Variants in CPS1 observed in about 807,000 individuals in gnomAD.
CPS1 encodes carbamoyl-phosphate synthase 1.
CPS1 carries 109 observed loss-of-function variants against 174.6 expected under a neutral mutation model. The ratio of observed to expected loss-of-function variants is 0.62; its 90% CI spans 0.53 to 0.73. The LOEUF is 0.73. Ranked by LOEUF, CPS1 falls within the 30% of genes least tolerant of loss-of-function variation. The pLI is 0.00. For missense variants in CPS1, 1,689 were observed against 1,821.9 expected, an observed-to-expected ratio of 0.93 and a Z score of 1.33; for synonymous variants, 637 against 632.0, an observed-to-expected ratio of 1.01 and a Z score of -0.12.
At chr2:210,528,051 T>A (rs1043244494) in intron 1 of CPS1, among the ~76,000 whole-genome samples, 3 of 151,940 alleles carry the variant, frequency 2.0e-5, no homozygotes, top group African/African-American at 7.2e-5. Context: ...GGGATATTGT[T>A]AATTTAAAAT....
chr2:210,608,656 A>G (rs1022306361), intron 19 of CPS1, 97 bp downstream of exon 19: 27 of 1,152,388 alleles, frequency 2.3e-5, no homozygotes, highest in Non-Finnish European at 3.3e-5. Flanking sequence ...GGATACCATC[A>G]ACACATGGAC....
intron 1 of CPS1, among the ~76,000 whole-genome samples, chr2:210,486,678 T>A (rs1415697558): frequency 6.6e-6 from 1 of 152,162 alleles, no homozygotes. Context: ...ATGCAGCTAA[T>A]TTTGTATTTC....
upstream of CPS1, chr2:210,555,781 T>C (rs1303906219): frequency 2.4e-6 from 1 of 409,180 alleles, no homozygotes; most frequent in Non-Finnish European, 5.0e-6. Flanking sequence ...TGAGGCCCCT[T>C]GAGAGCCTGG....
intron 1 of CPS1, among the ~76,000 whole-genome samples, chr2:210,534,236 C>T (rs538342207): frequency 2.8e-4 from 42 of 152,282 alleles, no homozygotes; most frequent in Admixed American, 5.9e-4. Flanking sequence ...GTTGCTTAGG[C>T]GTCCAGCCAG....
chr2:210,610,244 A>G (rs898079430), intron 19 of CPS1, among the ~76,000 whole-genome samples: 1 of 151,948 alleles, frequency 6.6e-6, no homozygotes, highest in Non-Finnish European at 1.5e-5. Flanking sequence ...AAGGAACTTG[A>G]GAAAATTATG....
chr2:210,513,507 A>G (rs1367931982), intron 1 of CPS1, among the ~76,000 whole-genome samples: 2 of 151,860 alleles, frequency 1.3e-5, no homozygotes, highest in Non-Finnish European at 2.9e-5. Flanking sequence ...ATGTCTGTCC[A>G]TGTCTGTTGC....
In CPS1 at chr2:210,590,358, C is replaced by A. The variant is rs1698252970; in HGVS notation, c.840+124C>A. 3 of 1,378,862 alleles carry A rather than the reference C, an allele frequency of 2.2e-6. No individual in the cohort carries two copies. The South Asian group carries it at 3.5e-5, about 16-fold the overall frequency. The allele number at this position is 1,378,862 out of a possible 1,614,324, so 85.4% of individuals were successfully genotyped here. On this transcript the variant is annotated intron_variant, in intron 8 of 37. Transcript: ENST00000233072. ...TTTTCAATGCTGGTATTTGTGACTT[C>A]TGAGGCAGTGTCAGTAGAGATATTC...
At chr2:210,605,696 G>C (rs1411004416) in intron 17 of CPS1, among the ~76,000 whole-genome samples, 3 of 151,842 alleles carry the variant, frequency 2.0e-5, no homozygotes, top group African/African-American at 4.8e-5. Context: ...CTAAATTTGG[G>C]GTGTGAGCAG....
intron 21 of CPS1, among the ~76,000 whole-genome samples, chr2:210,632,787 A>G (rs1429933812): frequency 6.6e-6 from 1 of 152,256 alleles, no homozygotes; most frequent in African/African-American, 2.4e-5. Context: ...ACAAAATACT[A>G]TAGAAATTAC....
At chr2:210,584,936 T>G (rs1342872101) in intron 6 of CPS1, among the ~76,000 whole-genome samples, 3 of 152,040 alleles carry the variant, frequency 2.0e-5, no homozygotes, top group Non-Finnish European at 4.4e-5. Context: ...TACGTAGAAA[T>G]CTTTTCCCAT....
intron 1 of CPS1, among the ~76,000 whole-genome samples, chr2:210,564,710 G>C (rs868020098): frequency 5.3e-5 from 8 of 152,076 alleles, no homozygotes; most frequent in African/African-American, 9.6e-5. Flanking sequence ...ATAGGAATGG[G>C]GGCCGGACTT....
chr2:210,517,568 AAAG>A (rs1352285304), intron 1 of CPS1, among the ~76,000 whole-genome samples: 1 of 151,982 alleles, frequency 6.6e-6, no homozygotes, highest in Non-Finnish European at 1.5e-5. Context: ...TGACTGCCTG[AAAG>A]GACCATAAAT....
At chr2:210,511,563 G>A (rs1177059156) in intron 1 of CPS1, among the ~76,000 whole-genome samples, 1 of 151,908 alleles carries the variant, frequency 6.6e-6, no homozygotes, top group African/African-American at 2.4e-5. Context: ...CAGAATCACA[G>A]GGCAAATGTC....
chr2:210,634,125 A>G (rs1699955195), intron 21 of CPS1, among the ~76,000 whole-genome samples: 1 of 152,166 alleles, frequency 6.6e-6, no homozygotes, highest in East Asian at 1.9e-4. Flanking sequence ...AAAACAAATA[A>G]CAACAATAAC....
Position 210,638,668 on chromosome 2 carries a change from C to G in CPS1, c.2830-482C>G, listed in dbSNP as rs1700112835. ...AGTGGAATTGATTTCCAAATATGTT[C>G]AATGAGATCTTGTTCTCCCCCCGTT... is the stretch of plus-strand genomic sequence containing the variant. On this transcript the variant is annotated intron_variant, in intron 22 of 37. Transcript: ENST00000233072. Among the ~76,000 whole-genome samples, 3 of 152,136 alleles carry G rather than the reference C, an allele frequency of 2.0e-5. No homozygotes were observed. The South Asian group carries it at 6.2e-4, about 32-fold the overall frequency.
At chr2:210,600,178 G>A (rs1282165340) in intron 14 of CPS1, among the ~76,000 whole-genome samples, 1 of 151,596 alleles carries the variant, frequency 6.6e-6, no homozygotes, top group Non-Finnish European at 1.5e-5. Context: ...CCATTTTGAG[G>A]ATAATTTTTT....
chr2:210,643,957 A>C (rs1258707730), intron 25 of CPS1, among the ~76,000 whole-genome samples: 1 of 152,146 alleles, frequency 6.6e-6, no homozygotes, highest in Non-Finnish European at 1.5e-5. Flanking sequence ...CTTATCTTCA[A>C]GACATTAACA....
rs371305745 is a variant in CPS1 at position 210,491,710 on chromosome 2, C to G, written c.3+13944C>G. 1.9e-4 allele frequency among the ~76,000 whole-genome samples: 29 copies of G among 152,208 alleles called. No individual in the cohort carries two copies. In the East Asian group the frequency reaches 5.0e-3, roughly 26 times the overall value. On this transcript the variant is annotated intron_variant, in intron 1 of 38. Coordinates refer to the CPS1 transcript ENST00000430249. The stretch of plus-strand genomic sequence containing the variant: ...GGCACCAAGTTTCTACCTCTTGGCC[C>G]CTAAGAAATGTGGGATCACCTTGAA...
At chr2:210,631,006 C>T (rs1406632697) in intron 21 of CPS1, among the ~76,000 whole-genome samples, 1 of 145,718 alleles carries the variant, frequency 6.9e-6, no homozygotes, top group Non-Finnish European at 1.5e-5. Flanking sequence ...TAGTTTTTTT[C>T]TGCCTTTTGG....
Sources: gnomAD v4.1 joint callset for allele counts (sites outside exome capture counted in the v4.1 genomes callset) on GRCh38, gnomAD v4.1.1 for gene constraint, MANE v1.5 for transcripts, NCBI Gene and HGNC (gene_info 2026-07-23, HGNC 2026-07-21) for gene names.